RORA: variants seen among roughly 807,000 people sequenced by gnomAD.
The protein encoded by RORA is nuclear receptor ROR-alpha.
A neutral mutation model predicts 69.5 loss-of-function variants in RORA; 7 were observed. The ratio of observed to expected loss-of-function variants is 0.10; its 90% CI spans 0.06 to 0.19. RORA has a LOEUF of 0.19. Among genes scored for constraint, RORA ranks in the 10% least tolerant of loss-of-function variants. The pLI is 1.00. For missense variants in RORA, 457 were observed against 663.0 expected, an observed-to-expected ratio of 0.69 and a Z score of 3.41; for synonymous variants, 261 against 240.8, an observed-to-expected ratio of 1.08 and a Z score of -0.78.
At chr15:60,571,082 C>T (rs941092004) in intron 2 of RORA, among the ~76,000 whole-genome samples, 5 of 151,888 alleles carry the variant, frequency 3.3e-5, no homozygotes, top group African/African-American at 1.2e-4. Context: ...ACAGTAGTTT[C>T]TATAATCAAT....
At chr15:60,743,317 A>T (rs1646862168) in intron 1 of RORA, among the ~76,000 whole-genome samples, 1 of 152,152 alleles carries the variant, frequency 6.6e-6, no homozygotes, top group South Asian at 2.1e-4. Flanking sequence ...ACCCGGCTGT[A>T]AATGCATTGA....
rs534680813 is a variant in RORA at position 60,878,850 on chromosome 15, TC to T, written c.167-200165del. On this transcript the variant is annotated intron_variant, in intron 1 of 10. Coordinates refer to ENST00000335670, the MANE Select transcript of RORA (RefSeq NM_134261.3). The stretch of plus-strand genomic sequence containing the variant: ...CATTAGGTAGGCCTCCCTACAGGTA[TC>T]CAGAATTGGTGTCTTATCCTACAAT... Among the ~76,000 whole-genome samples, 704 of 152,324 alleles carry T rather than the reference TC, an allele frequency of 4.6e-3. 2 individuals are homozygous for T. Among genetic ancestry groups the T allele is most frequent in the Non-Finnish European group, 6.4e-3 (432 of 68,030 alleles).
chr15:60,522,177 C>A (rs1273528011), intron 3 of RORA, among the ~76,000 whole-genome samples: 1 of 152,158 alleles, frequency 6.6e-6, no homozygotes, highest in Non-Finnish European at 1.5e-5. Context: ...AAAAAATTAA[C>A]TACTTTTTAA....
At chr15:60,587,797 A>T (rs1159734112) in intron 2 of RORA, among the ~76,000 whole-genome samples, 1 of 152,222 alleles carries the variant, frequency 6.6e-6, no homozygotes, top group Non-Finnish European at 1.5e-5. Context: ...ATCTCCTGAA[A>T]ATATGATGAG....
intron 2 of RORA, among the ~76,000 whole-genome samples, chr15:60,658,428 T>G (rs1181757770): frequency 6.6e-6 from 1 of 152,160 alleles, no homozygotes; most frequent in Non-Finnish European, 1.5e-5. Context: ...CCTGGATGCA[T>G]AAATAAAATC....
chr15:61,069,219 T>G (rs564340738), intron 1 of RORA, among the ~76,000 whole-genome samples: 2 of 152,244 alleles, frequency 1.3e-5, no homozygotes, highest in African/African-American at 2.4e-5. Flanking sequence ...GTAAAAAATC[T>G]ACATTTGTAG....
chr15:61,212,053 A>C (rs2079997066), intron 1 of RORA: 1 of 152,164 alleles, frequency 6.6e-6, no homozygotes, highest in African/African-American at 2.4e-5. Context: ...CAGCCTTTGA[A>C]GATCTCACCC....
At chr15:60,577,625 C>G (rs11071542) in intron 2 of RORA, among the ~76,000 whole-genome samples, 1 of 139,830 alleles carries the variant, frequency 7.2e-6, no homozygotes, top group Admixed American at 7.3e-5. Context: ...GCCTGGGTGA[C>G]AGAGTGAGAC....
intron 2 of RORA, among the ~76,000 whole-genome samples, chr15:60,544,405 G>A (rs979473767): frequency 1.2e-4 from 13 of 109,786 alleles, no homozygotes; most frequent in Non-Finnish European, 2.2e-5. Context: ...TTCTCTTCGA[G>A]ATCCAGAATA....
At chr15:61,043,796 C>T (rs1229199126) in intron 1 of RORA, among the ~76,000 whole-genome samples, 2 of 151,868 alleles carry the variant, frequency 1.3e-5, no homozygotes, top group South Asian at 4.1e-4. Flanking sequence ...TTTTTAATGT[C>T]CCCAACTCCT....
intron 1 of RORA, among the ~76,000 whole-genome samples, chr15:60,942,522 C>G (rs1304199866): frequency 1.3e-5 from 2 of 152,234 alleles, no homozygotes; most frequent in Admixed American, 1.3e-4. Flanking sequence ...GTATCTTATA[C>G]TTTGCTTCAC....
chr15:60,743,083 C>T (rs1012159729), intron 1 of RORA, among the ~76,000 whole-genome samples: 5 of 141,256 alleles, frequency 3.5e-5, no homozygotes, highest in Admixed American at 7.6e-5. Flanking sequence ...GGCACAATCT[C>T]GGCTCACTGC....
At chr15:60,670,723 A>G (rs576659028) in intron 2 of RORA, among the ~76,000 whole-genome samples, 205 of 152,262 alleles carry the variant, frequency 1.3e-3, no homozygotes, top group South Asian at 3.7e-3. Flanking sequence ...TATTTAATTG[A>G]ATAGCTTAAA....
At chr15:60,853,348 T>C (rs2073345980) in intron 1 of RORA, among the ~76,000 whole-genome samples, 1 of 152,086 alleles carries the variant, frequency 6.6e-6, no homozygotes, top group Admixed American at 6.5e-5. Context: ...ACACCAAAAT[T>C]AGTGATAAGC....
chr15:61,152,840 A>C (rs553213937), intron 1 of RORA, among the ~76,000 whole-genome samples: 2 of 152,144 alleles, frequency 1.3e-5, no homozygotes, highest in Non-Finnish European at 2.9e-5. Flanking sequence ...TAAATAAGCA[A>C]CTCCCTACAG....
intron 2 of RORA, among the ~76,000 whole-genome samples, chr15:60,636,012 G>T (rs1019366117): frequency 6.6e-6 from 1 of 152,138 alleles, no homozygotes; most frequent in African/African-American, 2.4e-5. Context: ...GAGTCTGTAA[G>T]ACTTGCCATT....
intron 1 of RORA, among the ~76,000 whole-genome samples, chr15:60,878,703 C>T (rs1435883067): frequency 1.3e-5 from 2 of 152,158 alleles, no homozygotes; most frequent in Non-Finnish European, 2.9e-5. Context: ...AACCTGGGCC[C>T]TGCAGAAACA....
At chr15:60,997,489 T>C (rs1445570840) in intron 1 of RORA, among the ~76,000 whole-genome samples, 3 of 152,188 alleles carry the variant, frequency 2.0e-5, no homozygotes, top group Admixed American at 2.0e-4. Context: ...TATATGTCAT[T>C]AACTTTCTAG....
chr15:61,063,202 G>A (rs78100524), intron 1 of RORA, among the ~76,000 whole-genome samples: 4,697 of 152,222 alleles, frequency 0.031, 174 homozygotes, highest in East Asian at 0.085. Flanking sequence ...AACCCTTCAC[G>A]GCGTGGAGCT....
Sources: allele counts gnomAD v4.1 joint callset (sites outside exome capture counted in the v4.1 genomes callset), GRCh38; gene constraint gnomAD v4.1.1; transcripts MANE v1.5; gene names NCBI Gene and HGNC (gene_info 2026-07-23, HGNC 2026-07-21).